Variants in RP1 observed in about 807,000 individuals in gnomAD.
The protein encoded by RP1 is RP1 axonemal microtubule associated, also known as oxygen-regulated protein 1.
Under a neutral mutation model 14.8 loss-of-function variants are expected in RP1, and 16 were observed. The ratio of observed to expected loss-of-function variants is 1.08; its 90% CI spans 0.73 to 1.65. The LOEUF (loss-of-function observed/expected upper bound fraction) is 1.65. Ranked by LOEUF, RP1 falls within the 40% of genes most tolerant of loss-of-function variation. The pLI is 0.00. For synonymous variants in RP1, 876 were observed against 883.6 expected (o/e 0.99, Z 0.15); for missense variants, 2,631 against 2,535.0 (o/e 1.04, Z -0.81).
chr8:54,562,755 C>T (rs1804315924), intron 1 of RP1, among the ~76,000 whole-genome samples: 1 of 152,122 alleles, frequency 6.6e-6, no homozygotes, highest in African/African-American at 2.4e-5. Context: ...TAGATTTCAA[C>T]ATTAATTGAT....
rs766323335 is a variant in RP1 at position 54,628,624 on chromosome 8, A to G, written c.4742A>G (p.Lys1581Arg). The change falls in exon 4 of 4, where the codon AAA (lysine) becomes AGA (arginine). Residue 1581 changes from lysine to arginine, a missense_variant. Transcript: ENST00000220676. ...SYSESSPDLK[K>R]CIKSPVTSDW... ...TCAGAGTCCTCTCCTGATTTAAAAA[A>G]ATGCATCAAAAGTCCAGTGACTTCT... The G allele has an allele frequency of 6.2e-7, 1 of 1,614,090 alleles. No homozygotes were observed. Among genetic ancestry groups the G allele is most frequent in the African/African-American group, 1.3e-5 (1 of 75,042 alleles).
At chr8:54,632,360 T>C (rs931755884), downstream of RP1, among the ~76,000 whole-genome samples, 3 of 152,192 alleles carry the variant, frequency 2.0e-5, no homozygotes, top group Admixed American at 6.5e-5. Context: ...TGCATCATAA[T>C]TGGGAGAAGC....
At chr8:54,732,443 T>C (rs538389149) in intron 17 of RP1, among the ~76,000 whole-genome samples, 1 of 152,330 alleles carries the variant, frequency 6.6e-6, no homozygotes, top group South Asian at 2.1e-4. Flanking sequence ...ATTAGTTATC[T>C]TTCAAACTTT....
At chr8:54,773,578 A>G (rs893887227), downstream of RP1, among the ~76,000 whole-genome samples, 9 of 152,180 alleles carry the variant, frequency 5.9e-5, no homozygotes, top group African/African-American at 2.2e-4. Context: ...CGGAGGTTGC[A>G]GTGAACCTAC....
rs7823932 is a variant in RP1 at position 54,716,912 on chromosome 8, C to T, written c.2212-3217C>T. Among the ~76,000 whole-genome samples, 906 of 152,290 alleles carry T rather than the reference C, an allele frequency of 5.9e-3. 2 individuals are homozygous for T. The highest frequency in any genetic ancestry group is 0.02 in the Middle Eastern group (6 of 294). ...ATAGCCCCTCAGCTGTTGAGATTCT[C>T]TCCCAAAATATATGGATGATTCTAA... On this transcript the variant is annotated intron_variant, in intron 15 of 22. Transcript: ENST00000636932.
intron 3 of RP1, among the ~76,000 whole-genome samples, chr8:54,647,608 T>C (rs760541615): frequency 3.3e-5 from 5 of 152,192 alleles, no homozygotes; most frequent in Non-Finnish European, 5.9e-5. Context: ...TAGTTCTTAA[T>C]TTTATTACCT....
At chr8:54,601,364 T>A (rs376833923) in intron 1 of RP1, among the ~76,000 whole-genome samples, 1 of 148,828 alleles carries the variant, frequency 6.7e-6, no homozygotes, top group Non-Finnish European at 1.5e-5. Context: ...TAGGTGGGAA[T>A]TGAACAATGG....
intron 27 of RP1, among the ~76,000 whole-genome samples, chr8:54,862,278 A>G (rs1563399504): frequency 6.6e-6 from 1 of 152,184 alleles, no homozygotes; most frequent in Non-Finnish European, 1.5e-5. Flanking sequence ...TCTCTTACCT[A>G]CAGTATATAA....
At chr8:54,694,292 T>C (rs1037182738) in intron 12 of RP1, among the ~76,000 whole-genome samples, 3 of 152,198 alleles carry the variant, frequency 2.0e-5, no homozygotes, top group Admixed American at 1.3e-4. Flanking sequence ...TTTTTTGTTG[T>C]GTCTCTGCCA....
intron 15 of RP1, among the ~76,000 whole-genome samples, chr8:54,711,069 G>T (rs1281353395): frequency 6.6e-6 from 1 of 152,096 alleles, no homozygotes; most frequent in Non-Finnish European, 1.5e-5. Flanking sequence ...AAATGTATCT[G>T]GCTCTACCAA....
intron 8 of RP1, among the ~76,000 whole-genome samples, chr8:54,677,782 TG>T (rs1269934945): frequency 2.6e-5 from 4 of 152,138 alleles, no homozygotes; most frequent in Admixed American, 6.6e-5. Context: ...CTATAGCTGA[TG>T]AGTATTAACT....
intron 7 of RP1, among the ~76,000 whole-genome samples, chr8:54,668,928 G>A (rs1165600376): frequency 6.6e-6 from 1 of 152,114 alleles, no homozygotes; most frequent in Non-Finnish European, 1.5e-5. Flanking sequence ...AAAAACTCTA[G>A]AAGAAAACCT....
chr8:54,847,196 T>TA (rs1028196787), intron 25 of RP1, among the ~76,000 whole-genome samples: 1 of 151,982 alleles, frequency 6.6e-6, no homozygotes, highest in African/African-American at 2.4e-5. Context: ...AGCACTCTTG[T>TA]AAAAAAAAGA....
intron 24 of RP1, among the ~76,000 whole-genome samples, chr8:54,834,331 T>G (rs1235728881): frequency 2.6e-5 from 4 of 152,040 alleles, no homozygotes; most frequent in Non-Finnish European, 5.9e-5. Flanking sequence ...TGATATTCTG[T>G]GCAGGGAAAA....
At chr8:54,591,406 A>G (rs1472177305) in intron 1 of RP1, among the ~76,000 whole-genome samples, 3 of 151,914 alleles carry the variant, frequency 2.0e-5, no homozygotes, top group Admixed American at 2.0e-4. Context: ...TTCTGTTTGG[A>G]ATACATTTCT....
At chr8:54,562,633 C>T (rs1205893845) in intron 1 of RP1, among the ~76,000 whole-genome samples, 1 of 151,054 alleles carries the variant, frequency 6.6e-6, no homozygotes, top group Non-Finnish European at 1.5e-5. Context: ...GAGATGGTGC[C>T]ATGGCACTCT....
At chr8:54,862,668 TCTC>T (rs1372499487) in intron 27 of RP1, among the ~76,000 whole-genome samples, 1 of 152,006 alleles carries the variant, frequency 6.6e-6, no homozygotes, top group African/African-American at 2.4e-5. Context: ...CTAAATCTCC[TCTC>T]CTCTGTGTGG....
upstream of RP1, among the ~76,000 whole-genome samples, chr8:54,612,969 G>T (rs1805631739): frequency 6.6e-6 from 1 of 152,102 alleles, no homozygotes; most frequent in African/African-American, 2.4e-5. Flanking sequence ...CACTTTATAG[G>T]ATCTAACATG....
chr8:54,734,049 T>C (rs1808854646), intron 17 of RP1, among the ~76,000 whole-genome samples: 1 of 152,188 alleles, frequency 6.6e-6, no homozygotes, highest in Non-Finnish European at 1.5e-5. Flanking sequence ...TCCTTTCCAT[T>C]GCCCACGCCA....
Sources: allele counts gnomAD v4.1 joint callset (sites outside exome capture counted in the v4.1 genomes callset), GRCh38; gene constraint gnomAD v4.1.1; transcripts MANE v1.5; gene names NCBI Gene and HGNC (gene_info 2026-07-23, HGNC 2026-07-21).